SLC24A2: variants seen among roughly 807,000 people sequenced by gnomAD.
SLC24A2 encodes the protein sodium/potassium/calcium exchanger 2.
Under a neutral mutation model 62.0 loss-of-function variants are expected in SLC24A2, and 36 were observed. That is an observed-to-expected ratio of 0.58 (90% CI 0.44 to 0.77). SLC24A2 has a LOEUF of 0.77. Among genes scored for constraint, SLC24A2 ranks in the 30% least tolerant of loss-of-function variants. SLC24A2 has a pLI of 0.00. For missense variants in SLC24A2, 846 were observed against 817.9 expected, an observed-to-expected ratio of 1.03 and a Z score of -0.42; for synonymous variants, 358 against 294.0, an observed-to-expected ratio of 1.22 and a Z score of -2.23.
chr9:19,738,416 T>C (rs575821741), intron 2 of SLC24A2, among the ~76,000 whole-genome samples: 1 of 152,264 alleles, frequency 6.6e-6, no homozygotes, highest in Non-Finnish European at 1.5e-5. Context: ...AGAGAACGCA[T>C]GCATTCTTTA....
the SLC24A2 span, among the ~76,000 whole-genome samples, chr9:20,266,792 T>C: frequency 3.3e-5 from 5 of 152,182 alleles, no homozygotes; most frequent in Non-Finnish European, 5.9e-5. Context: ...TTAAAAGGAA[T>C]TGATGCCAGG....
the SLC24A2 span, among the ~76,000 whole-genome samples, chr9:20,106,537 G>A: frequency 6.6e-6 from 1 of 152,138 alleles, no homozygotes; most frequent in Non-Finnish European, 1.5e-5. Context: ...TGCAAGGCTG[G>A]TTCAATACAT....
the SLC24A2 span, among the ~76,000 whole-genome samples, chr9:19,914,831 A>G: frequency 0.46 from 70,565 of 151,874 alleles, 17,227 homozygotes; most frequent in East Asian, 0.73. Flanking sequence ...ACAGGATGGG[A>G]TCCAGATTTT....
At chr9:20,259,278 T>C in the SLC24A2 span, among the ~76,000 whole-genome samples, 1,534 of 152,320 alleles carry the variant, frequency 0.01, 22 homozygotes, top group African/African-American at 0.034. Flanking sequence ...AAAGATTATG[T>C]TATTTTAAGC....
chr9:20,123,906 T>C, the SLC24A2 span, among the ~76,000 whole-genome samples: 4 of 152,266 alleles, frequency 2.6e-5, no homozygotes, highest in Admixed American at 2.6e-4. Flanking sequence ...TTGAAGAAAA[T>C]GCAAAGTATA....
chr9:20,287,427 A>G, the SLC24A2 span, among the ~76,000 whole-genome samples: 2 of 152,254 alleles, frequency 1.3e-5, no homozygotes, highest in South Asian at 4.1e-4. Flanking sequence ...TTATATGCTG[A>G]GCCTATCAAC....
intron 5 of SLC24A2, among the ~76,000 whole-genome samples, chr9:19,588,738 A>G (rs1239009886): frequency 6.6e-6 from 1 of 152,168 alleles, no homozygotes; most frequent in Non-Finnish European, 1.5e-5. Flanking sequence ...AGTCAGGTGG[A>G]TCACTTGAGG....
At chr9:20,258,865 TATCC>T in the SLC24A2 span, among the ~76,000 whole-genome samples, 220 of 139,820 alleles carry the variant, frequency 1.6e-3, 1 homozygote, top group Non-Finnish European at 2.0e-3. Context: ...AATGTCTATC[TATCC>T]ATCCATCCAT....
the SLC24A2 span, among the ~76,000 whole-genome samples, chr9:19,956,040 A>G: frequency 6.6e-6 from 1 of 152,214 alleles, no homozygotes; most frequent in African/African-American, 2.4e-5. Flanking sequence ...TAGAGGTACC[A>G]CATTAAGAAC....
At chr9:20,153,355 C>T in the SLC24A2 span, among the ~76,000 whole-genome samples, 52 of 151,910 alleles carry the variant, frequency 3.4e-4, no homozygotes, top group African/African-American at 1.2e-3. Flanking sequence ...AAACAACTCC[C>T]TGCTGGGTCT....
At chr9:19,752,381 T>C (rs1379658445) in intron 2 of SLC24A2, among the ~76,000 whole-genome samples, 1 of 151,668 alleles carries the variant, frequency 6.6e-6, no homozygotes, top group African/African-American at 2.4e-5. Flanking sequence ...CAAGGGGTTA[T>C]GGCAGAATCT....
At chr9:19,765,192 T>A (rs1822473701) in intron 2 of SLC24A2, among the ~76,000 whole-genome samples, 1 of 152,186 alleles carries the variant, frequency 6.6e-6, no homozygotes, top group South Asian at 2.1e-4. Flanking sequence ...ATGTATGTAT[T>A]TGCACATTAG....
chr9:20,097,337 T>C, the SLC24A2 span, among the ~76,000 whole-genome samples: 2 of 152,172 alleles, frequency 1.3e-5, no homozygotes, highest in Non-Finnish European at 1.5e-5. Context: ...TCAACCTGCT[T>C]TATATTATAG....
At chr9:19,846,719 G>C in the SLC24A2 span, among the ~76,000 whole-genome samples, 2 of 152,142 alleles carry the variant, frequency 1.3e-5, no homozygotes, top group African/African-American at 4.8e-5. Flanking sequence ...TTTATATTAA[G>C]TGTTGGAACA....
intron 10 of SLC24A2, among the ~76,000 whole-genome samples, chr9:19,517,228 C>T (rs1832977060): frequency 6.6e-6 from 1 of 152,104 alleles, no homozygotes; most frequent in African/African-American, 2.4e-5. Context: ...GTGCAAGGCT[C>T]AGGGAACATG....
the SLC24A2 span, among the ~76,000 whole-genome samples, chr9:20,116,094 T>C: frequency 6.6e-6 from 1 of 152,274 alleles, no homozygotes; most frequent in African/African-American, 2.4e-5. Flanking sequence ...TATTCTGAAG[T>C]TGTCTCAAGA....
the SLC24A2 span, among the ~76,000 whole-genome samples, chr9:20,097,352 C>T: frequency 6.6e-6 from 1 of 152,160 alleles, no homozygotes; most frequent in Non-Finnish European, 1.5e-5. Context: ...TTATAGTCAG[C>T]AAAGATTCAC....
chr9:19,622,495 T>C (rs1817932193), intron 2 of SLC24A2, among the ~76,000 whole-genome samples, 196 bp from the exon 3 acceptor site: 2 of 152,198 alleles, frequency 1.3e-5, no homozygotes, highest in Non-Finnish European at 2.9e-5. Flanking sequence ...TTTAGGTACA[T>C]GGTTCATTCT....
At chr9:20,298,376 G>A in the SLC24A2 span, among the ~76,000 whole-genome samples, 20 of 152,180 alleles carry the variant, frequency 1.3e-4, no homozygotes, top group East Asian at 1.2e-3. Context: ...TTACAGGCAC[G>A]CGCCACCATG....
Sources: allele counts gnomAD v4.1 joint callset (sites outside exome capture counted in the v4.1 genomes callset), GRCh38; gene constraint gnomAD v4.1.1; transcripts MANE v1.5; gene names NCBI Gene and HGNC (gene_info 2026-07-23, HGNC 2026-07-21).